SLC2A11: variants seen among roughly 807,000 people sequenced by gnomAD.
SLC2A11 encodes the protein solute carrier family 2 member 11, also known as solute carrier family 2, facilitated glucose transporter member 11.
Under a neutral mutation model 52.1 loss-of-function variants are expected in SLC2A11, and 43 were observed. That is an observed-to-expected ratio of 0.82 (90% confidence interval 0.65 to 1.06). SLC2A11 has a LOEUF of 1.06. Among genes scored for constraint, SLC2A11 ranks in the 50% least tolerant of loss-of-function variants. The pLI, the probability that SLC2A11 is intolerant of heterozygous loss-of-function variation, is 0.00. For synonymous variants in SLC2A11, 261 were observed against 277.6 expected (o/e 0.94, Z 0.59); for missense variants, 582 against 654.2 (o/e 0.89, Z 1.20).
At position 23,884,337 on chromosome 22, in the gene SLC2A11, G is replaced by T. The variant is rs764557493; in HGVS notation, c.1207G>T (p.Asp403Tyr). The part of the protein sequence containing the change: ...VTGILATELF[D>Y]QMARPAACMV... ...GGGGATCCTGGCCACAGAGCTGTTT[G>T]ACCAGATGGCCAGGCCTGCTGCCTG... Residue 403 changes from aspartate to tyrosine, a missense_variant, in exon 11 of 12, where the codon GAC becomes TAC. Transcript: ENST00000316185. The surrounding 1 kb of genome is among the most constrained non-coding windows in gnomAD (Gnocchi z 4.3). 6.2e-7 allele frequency: 1 copy of T among 1,614,042 alleles called. No homozygotes were observed. Among genetic ancestry groups the T allele is most frequent in the East Asian group, 2.2e-5 (1 of 44,872 alleles).
At chr22:23,862,475 A>G in intron 2 of SLC2A11, 1 of 459,904 alleles carries the variant, frequency 2.2e-6, no homozygotes. Flanking sequence ...CATCTCTTGG[A>G]CACTAAGTCC....
At position 23,868,478 on chromosome 22, in the gene SLC2A11, C is replaced by G; in HGVS notation, c.130-3C>G. 1 of 1,614,126 alleles carries G rather than the reference C, an allele frequency of 6.2e-7. No homozygotes were observed. The highest frequency in any genetic ancestry group is 8.5e-7 in the Non-Finnish European group (1 of 1,179,960). On this transcript the variant is annotated splice_polypyrimidine_tract_variant and splice_region_variant and intron_variant, in intron 2 of 11. Transcript: ENST00000316185. ...GAAGGCTGACTGGCATTTCTGTCCA[C>G]AGCACATTCAGGAATTCACCAATGA...
intron 3 of SLC2A11, chr22:23,870,215 G>A (rs529307281): frequency 3.6e-5 from 21 of 587,868 alleles, no homozygotes; most frequent in Middle Eastern, 2.7e-4. Context: ...TAACTATTGC[G>A]CGGCTATCTC....
chr22:23,857,673 C>T (rs1217659599), upstream of SLC2A11: 4 of 1,123,536 alleles, frequency 3.6e-6, no homozygotes, highest in East Asian at 2.6e-5. Context: ...GCGCATGCGC[C>T]TCAGGCGCCC....
At chr22:23,868,074 G>A in intron 2 of SLC2A11, 1 of 293,916 alleles carries the variant, frequency 3.4e-6, no homozygotes, top group Non-Finnish European at 6.7e-6. Context: ...TGTGGGATTT[G>A]ATGCTAACTC....
intron 3 of SLC2A11, chr22:23,872,821 G>C (rs1601500662): frequency 6.6e-6 from 1 of 152,180 alleles, no homozygotes; most frequent in Non-Finnish European, 1.5e-5. Context: ...AACTTCGTTG[G>C]AGTGGCAGCC....
At chr22:23,862,374 C>A (rs547133130) in intron 2 of SLC2A11, 172 bp downstream of exon 2, 58 of 601,866 alleles carry the variant, frequency 9.6e-5, no homozygotes, top group Admixed American at 2.8e-4. Flanking sequence ...ATACATCTTC[C>A]CCAAACCTGC....
At chr22:23,877,640 G>A (rs912507948) in intron 5 of SLC2A11, 81 bp from the exon 6 acceptor site, 1 of 1,469,732 alleles carries the variant, frequency 6.8e-7, no homozygotes, top group Admixed American at 2.2e-5. Context: ...CCTGCAGGGA[G>A]GTGTGTAGGT....
chr22:23,858,647 T>C (rs1366974630), intron 1 of SLC2A11, among the ~76,000 whole-genome samples: 1 of 152,170 alleles, frequency 6.6e-6, no homozygotes, highest in African/African-American at 2.4e-5. Context: ...AGGGATCTAA[T>C]AGGATCTCAC....
Position 23,884,584 on chromosome 22 carries a change from C to A in SLC2A11, c.1300-65C>A. ...GGGCAAATGCCTCCTCACGACCTGT[C>A]ATGGGCCTTCTGTTTAGGGGTTGAT... On this transcript the variant is annotated intron_variant, in intron 11 of 11. Coordinates refer to ENST00000316185, the MANE Select transcript of SLC2A11 (RefSeq NM_001024939.4). The surrounding 1 kb of genome is among the most constrained non-coding windows in gnomAD (Gnocchi z 4.3). 6.4e-7 allele frequency: 1 copy of A among 1,567,550 alleles called. No homozygotes were observed.
Position 23,877,030 on chromosome 22 carries a change from G to A in SLC2A11, c.416-12G>A. 3.1e-6 allele frequency: 5 copies of A among 1,613,846 alleles called. No homozygotes were observed. The highest frequency in any genetic ancestry group is 4.2e-6 in the Non-Finnish European group (5 of 1,179,942). Reference sequence around the variant, plus strand: ...CTGGTGGCTGACGTGCCTCTGCTGTGCACACGTCCAGGTGTGAGCATGAAC... The same window carrying A: ...CTGGTGGCTGACGTGCCTCTGCTGTACACACGTCCAGGTGTGAGCATGAAC... On this transcript the variant is annotated splice_polypyrimidine_tract_variant and intron_variant, in intron 4 of 11. Transcript: ENST00000316185.
rs367713393 is a variant in SLC2A11 at position 23,867,891 on chromosome 22, C to T, written c.130-590C>T. 9.8e-4 allele frequency: 360 copies of T among 365,572 alleles called. 3 individuals carry two copies. Among genetic ancestry groups the T allele is most frequent in the South Asian group, 7.4e-3 (349 of 47,184 alleles). 22.6% of individuals were successfully genotyped at this position (365,572 alleles called of 1,614,324 possible). ...CATGAGTTGTATCCTTCATAACAAA[C>T]CAGTAAATGTAAGTAAAGGGCCTTC... On this transcript the variant is annotated intron_variant, in intron 2 of 11. Transcript: ENST00000316185.
In SLC2A11 at chr22:23,877,843, G is replaced by C; in HGVS notation, c.668G>C (p.Cys223Ser). The change falls in exon 6 of 12, where the codon TGT becomes TCT. Residue 223 changes from cysteine to serine, a missense_variant. Transcript: ENST00000316185. ...PESPRYLLIDCGDTEACLAAL... is the reference protein window; with the variant it reads ...PESPRYLLIDSGDTEACLAAL... ...AGCCCGCGCTACCTCCTCATTGACT[G>C]TGGAGACACCGAGGCCTGCCTGGCA... 1 of 1,613,246 alleles carries C rather than the reference G, an allele frequency of 6.2e-7. No individual in the cohort carries two copies. Among genetic ancestry groups the C allele is most frequent in the African/African-American group, 1.3e-5 (1 of 75,022 alleles).
intron 6 of SLC2A11, chr22:23,881,204 G>A (rs1225160264): frequency 1.3e-5 from 2 of 151,848 alleles, no homozygotes; most frequent in Non-Finnish European, 2.9e-5. Context: ...GGATGGTTCT[G>A]GCTGATGGCT....
At chr22:23,857,659 G>C, upstream of SLC2A11, 2 of 1,115,712 alleles carry the variant, frequency 1.8e-6, no homozygotes, top group Admixed American at 4.7e-5. Flanking sequence ...AAAACGCTGA[G>C]TCCGCGCATG....
rs1164377874 is a variant in SLC2A11 at position 23,884,780 on chromosome 22, C to G, written c.1431C>G (p.Leu477=). The G allele has an allele frequency of 1.9e-6, 3 of 1,614,176 alleles. No individual in the cohort carries two copies. The highest frequency in any genetic ancestry group is 2.5e-6 in the Non-Finnish European group (3 of 1,180,024). The part of the protein sequence containing the change: ...FQEISKELHR[L]NFPRRAQGPT... ...AGATCTCCAAGGAATTACACAGACTCAACTTCCCCAGGCGGGCCCAGGGCC... is the reference window on the plus strand; with the variant it reads ...AGATCTCCAAGGAATTACACAGACTGAACTTCCCCAGGCGGGCCCAGGGCC... The change falls in exon 12 of 12, where the codon CTC becomes CTG. Residue 477 remains leucine (L), a synonymous_variant. Coordinates refer to ENST00000316185, the MANE Select transcript of SLC2A11 (RefSeq NM_001024939.4). The surrounding 1 kb of genome is among the most constrained non-coding windows in gnomAD (Gnocchi z 4.3).
intron 6 of SLC2A11, chr22:23,880,852 C>T (rs747555579): frequency 6.6e-6 from 1 of 152,172 alleles, no homozygotes; most frequent in Non-Finnish European, 1.5e-5. Context: ...TTACAGCAAG[C>T]TTAGAATATG....
At chr22:23,861,955 C>A in intron 1 of SLC2A11, 149 bp from the exon 2 acceptor site, 1 of 711,486 alleles carries the variant, frequency 1.4e-6, no homozygotes, top group Non-Finnish European at 2.5e-6. Context: ...ACCCAGGTAA[C>A]TCCTCTCTGT....
At chr22:23,875,072 G>C (rs1256376699) in intron 3 of SLC2A11, 45 bp from the exon 4 acceptor site, 1 of 1,498,758 alleles carries the variant, frequency 6.7e-7, no homozygotes, top group African/African-American at 1.4e-5. Context: ...GGTCCCGCTG[G>C]ACTGAATCAC....
Sources: gnomAD v4.1 joint callset for allele counts (sites outside exome capture counted in the v4.1 genomes callset) on GRCh38, gnomAD v4.1.1 for gene constraint, Gnocchi (gnomAD v3.1) non-coding constraint, MANE v1.5 for transcripts, NCBI Gene and HGNC (gene_info 2026-07-23, HGNC 2026-07-21) for gene names.